The following EIF4E2 variants were observed in gnomAD, a reference collection of about 807,000 sequenced individuals.
EIF4E2 encodes the protein eukaryotic translation initiation factor 4E family member 2, also known as eukaryotic translation initiation factor 4E type 2.
A neutral mutation model predicts 34.2 loss-of-function variants in EIF4E2; 13 were observed. That is an observed-to-expected ratio of 0.38 (90% CI 0.25 to 0.60). The LOEUF (loss-of-function observed/expected upper bound fraction) is 0.60. Ranked by LOEUF, EIF4E2 falls within the 20% of genes least tolerant of loss-of-function variation. The pLI is 0.62. For synonymous variants in EIF4E2, 100 were observed against 106.6 expected (o/e 0.94, Z 0.38); for missense variants, 222 against 315.1 (o/e 0.70, Z 2.24).
At chr2:232,577,605 C>T (rs1392721951) in intron 6 of EIF4E2, among the ~76,000 whole-genome samples, 1 of 152,212 alleles carries the variant, frequency 6.6e-6, no homozygotes, top group Non-Finnish European at 1.5e-5. Context: ...AAAGCTGTTT[C>T]AGAGTATTTG....
rs1029770353 is a variant in EIF4E2 at position 232,566,100 on chromosome 2, A to AG, written c.376-729_376-728insG. ...GCGGGAGACTCCATCGCAAAAAAGAAAAAAAAAAAAACTAGATTGGGGCTT... is the reference window on the plus strand; with the variant it reads ...GCGGGAGACTCCATCGCAAAAAAGAAGAAAAAAAAAAACTAGATTGGGGCTT... On this transcript the variant is annotated intron_variant, in intron 4 of 6. Coordinates refer to ENST00000258416, the MANE Select transcript of EIF4E2 (RefSeq NM_004846.4). This position sits in a 1 kb window ranked among gnomAD's most constrained non-coding sequence, Gnocchi z 4.9. Among the ~76,000 whole-genome samples, 1 of 150,366 alleles carries AG rather than the reference A, an allele frequency of 6.7e-6. No homozygotes were observed. Among genetic ancestry groups the AG allele is most frequent in the Non-Finnish European group, 1.5e-5 (1 of 67,422 alleles).
rs114156117 is a variant in EIF4E2 at position 232,580,656 on chromosome 2, G to A, written c.666-248G>A. ...TGTGCCCTAGCATTAATATTTAACC[G>A]GTCCTCTCTTGATCGGCATTTGAAT... On this transcript the variant is annotated intron_variant, in intron 6 of 6. Transcript: ENST00000409098. Among the ~76,000 whole-genome samples the A allele has an allele frequency of 2.4e-3, 362 of 152,176 alleles. 3 individuals are homozygous for A. Among genetic ancestry groups the A allele is most frequent in the African/African-American group, 8.4e-3 (347 of 41,510 alleles).
chr2:232,562,164 A>G (rs955920293), intron 3 of EIF4E2, among the ~76,000 whole-genome samples: 1 of 151,898 alleles, frequency 6.6e-6, no homozygotes, highest in South Asian at 2.1e-4. Flanking sequence ...GCAGTGAGCC[A>G]TGATCACACT....
At chr2:232,568,385 A>G in intron 6 of EIF4E2, 1 of 985,374 alleles carries the variant, frequency 1.0e-6, no homozygotes, top group Non-Finnish European at 1.2e-6. Context: ...AGTCACGAAC[A>G]GTTATTAGCC....
chr2:232,569,256 C>T, downstream of EIF4E2: 1 of 1,354,446 alleles, frequency 7.4e-7, no homozygotes, highest in South Asian at 1.8e-5. Context: ...AAGATGTGGC[C>T]TTTCGGACTG....
intron 1 of EIF4E2, chr2:232,551,152 C>T (rs180977642): frequency 1.9e-6 from 1 of 531,020 alleles, no homozygotes; most frequent in Non-Finnish European, 3.8e-6. Context: ...CTCTGAGCCT[C>T]AGTTTTCTCA....
intron 6 of EIF4E2, among the ~76,000 whole-genome samples, chr2:232,576,965 G>A (rs1693237398): frequency 6.6e-6 from 1 of 152,178 alleles, no homozygotes; most frequent in South Asian, 2.1e-4. Context: ...ACCTGTGACT[G>A]TTAGTATTTT....
chr2:232,573,459 G>A (rs542254008), downstream of EIF4E2, among the ~76,000 whole-genome samples: 4 of 152,280 alleles, frequency 2.6e-5, no homozygotes, highest in African/African-American at 9.6e-5. Flanking sequence ...GAGAAAACTT[G>A]AGTTTGAGCC....
At chr2:232,582,729 G>C (rs976183482) in exon 7 of EIF4E2, 4 of 152,256 alleles carry the variant, frequency 2.6e-5, no homozygotes, top group African/African-American at 4.8e-5. Context: ...GGGAAAGTCA[G>C]TGTGTATGTG....
chr2:232,582,647 C>T (rs904098015), exon 7 of EIF4E2: 4 of 152,144 alleles, frequency 2.6e-5, no homozygotes, highest in African/African-American at 7.2e-5. Flanking sequence ...TCAGATTTGC[C>T]GTGAAAATTC....
intron 6 of EIF4E2, chr2:232,567,773 A>G (rs963559994): frequency 6.1e-6 from 6 of 987,056 alleles, no homozygotes; most frequent in Non-Finnish European, 7.2e-6. Flanking sequence ...AAGCTTGGCA[A>G]TCTCCCTAGG....
At chr2:232,574,169 C>T (rs1693156041), downstream of EIF4E2, 2 of 1,307,072 alleles carry the variant, frequency 1.5e-6, no homozygotes, top group African/African-American at 1.5e-5. Context: ...TGGAGGGCAT[C>T]TGAAGGGGGA....
chr2:232,556,127 A>G (rs1692511050), intron 1 of EIF4E2, among the ~76,000 whole-genome samples: 1 of 145,684 alleles, frequency 6.9e-6, no homozygotes, highest in South Asian at 2.1e-4. Flanking sequence ...AGGGAAAACA[A>G]TCCCTTAAAC....
At chr2:232,555,539 T>C (rs549243242) in intron 1 of EIF4E2, among the ~76,000 whole-genome samples, 3 of 152,158 alleles carry the variant, frequency 2.0e-5, no homozygotes, top group Admixed American at 1.3e-4. Context: ...TATTTTTCCT[T>C]TTGGTTTACC....
chr2:232,566,700 A>G lies in EIF4E2; in HGVS notation c.376-129A>G, dbSNP rs1692944343. On this transcript the variant is annotated intron_variant, in intron 4 of 6. Transcript: ENST00000258416. This position sits in a 1 kb window ranked among gnomAD's most constrained non-coding sequence, Gnocchi z 4.9. ...CCCTAGTCCTACCATCAGTTTTTCT[A>G]TAGAGTTGAATAATTGGAAAGTGAT... 3 of 1,051,956 alleles carry G rather than the reference A, an allele frequency of 2.9e-6. No homozygotes were observed. Among genetic ancestry groups the G allele is most frequent in the Non-Finnish European group, 4.1e-6 (3 of 736,938 alleles). 65.2% of individuals were successfully genotyped at this position (1,051,956 alleles called of 1,614,324 possible).
exon 7 of EIF4E2, chr2:232,582,399 A>G (rs1693381294): frequency 6.6e-6 from 1 of 152,090 alleles, no homozygotes; most frequent in Admixed American, 6.5e-5. Flanking sequence ...TGTTTTGGGG[A>G]TGCTTTTTTT....
chr2:232,550,816 G>C (rs1025894377), intron 1 of EIF4E2, 72 bp downstream of exon 1: 1 of 1,418,852 alleles, frequency 7.0e-7, no homozygotes, highest in African/African-American at 1.5e-5. Flanking sequence ...CGCTGGGGCT[G>C]GGGCGGCGCA....
At chr2:232,550,825 C>A in intron 1 of EIF4E2, 81 bp downstream of exon 1, 1 of 1,353,548 alleles carries the variant, frequency 7.4e-7, no homozygotes. Flanking sequence ...TGGGGCGGCG[C>A]AAACCCTGCG....
chr2:232,552,298 A>G (rs576596724), intron 1 of EIF4E2, among the ~76,000 whole-genome samples: 30 of 152,010 alleles, frequency 2.0e-4, no homozygotes, highest in Non-Finnish European at 3.5e-4. Flanking sequence ...TGCCCACTCA[A>G]CCTCCCGGGC....
Sources: gnomAD v4.1 joint callset for allele counts (sites outside exome capture counted in the v4.1 genomes callset) on GRCh38, gnomAD v4.1.1 for gene constraint, Gnocchi (gnomAD v3.1) non-coding constraint, MANE v1.5 for transcripts, NCBI Gene and HGNC (gene_info 2026-07-23, HGNC 2026-07-21) for gene names.